The following CCDC83 variants were observed in gnomAD, a reference collection of about 807,000 sequenced individuals.
CCDC83 encodes coiled-coil domain-containing protein 83.
Under a neutral mutation model 50.1 loss-of-function variants are expected in CCDC83, and 54 were observed. The observed-to-expected ratio is 1.08, with a 90% CI of 0.87 to 1.35. The LOEUF (loss-of-function observed/expected upper bound fraction) is 1.35, where lower values mean the gene tolerates loss of function less well. Ranked by LOEUF, CCDC83 falls within the 40% of genes most tolerant of loss-of-function variation. The pLI is 0.00. For synonymous variants in CCDC83, 161 were observed against 153.3 expected (o/e 1.05, Z -0.37); for missense variants, 518 against 473.9 (o/e 1.09, Z -0.86).
Position 85,913,449 on chromosome 11 carries a change from G to A in CCDC83, c.795-1970G>A, listed in dbSNP as rs149880368. ...GAAAGATAACCTGAAGGATGTTCAGGAGATTTTACTGTACCCATTTCCAAG... is the reference window on the plus strand; with the variant it reads ...GAAAGATAACCTGAAGGATGTTCAGAAGATTTTACTGTACCCATTTCCAAG... On this transcript the variant is annotated intron_variant, in intron 8 of 10. Coordinates refer to ENST00000342404, the MANE Select transcript of CCDC83 (RefSeq NM_001286159.2). Among the ~76,000 whole-genome samples, 512 of 152,288 alleles carry A rather than the reference G, an allele frequency of 3.4e-3. 4 individuals are homozygous for A. The highest frequency in any genetic ancestry group is 0.012 in the African/African-American group (490 of 41,566).
intron 7 of CCDC83, among the ~76,000 whole-genome samples, chr11:85,899,541 G>T (rs2093391112): frequency 6.6e-6 from 1 of 152,080 alleles, no homozygotes; most frequent in Non-Finnish European, 1.5e-5. Context: ...TCACCCTCAG[G>T]CTTGGACTTT....
At chr11:85,888,590 T>C (rs746057617) in intron 5 of CCDC83, among the ~76,000 whole-genome samples, 11 of 152,216 alleles carry the variant, frequency 7.2e-5, no homozygotes, top group Admixed American at 1.3e-4. Context: ...TGTGGGTTTT[T>C]TAATGAAGAA....
At chr11:85,873,461 G>A (rs1235581765) in intron 3 of CCDC83, among the ~76,000 whole-genome samples, 166 bp downstream of exon 3, 1 of 152,140 alleles carries the variant, frequency 6.6e-6, no homozygotes, top group African/African-American at 2.4e-5. Flanking sequence ...TGAGGCAGAA[G>A]GATACTGCTG....
At chr11:85,893,324 T>G (rs757069602) in intron 5 of CCDC83, among the ~76,000 whole-genome samples, 2 of 152,220 alleles carry the variant, frequency 1.3e-5, no homozygotes, top group Non-Finnish European at 1.5e-5. Flanking sequence ...GTACAAAGTA[T>G]AGACGAGGGC....
chr11:85,856,931 T>A (rs573644081), intron 1 of CCDC83, among the ~76,000 whole-genome samples: 5 of 152,302 alleles, frequency 3.3e-5, no homozygotes, highest in Admixed American at 1.3e-4. Flanking sequence ...CCATTTCTAA[T>A]TAAGTTAAAC....
At chr11:85,858,000 G>C (rs569891867) in intron 1 of CCDC83, among the ~76,000 whole-genome samples, 5 of 152,230 alleles carry the variant, frequency 3.3e-5, no homozygotes, top group Non-Finnish European at 7.3e-5. Context: ...CATGGAGATT[G>C]ATGTCAAGTG....
intron 2 of CCDC83, among the ~76,000 whole-genome samples, chr11:85,865,662 C>A (rs1045471606): frequency 6.6e-6 from 1 of 151,958 alleles, no homozygotes; most frequent in African/African-American, 2.4e-5. Flanking sequence ...CCAAAGCAGG[C>A]GGATCACCTG....
chr11:85,898,850 A>G, intron 6 of CCDC83, 97 bp from the exon 7 acceptor site: 1 of 855,860 alleles, frequency 1.2e-6, no homozygotes, highest in Non-Finnish European at 1.9e-6. Flanking sequence ...TGCAGACACA[A>G]TCTAAAATGA....
chr11:85,874,267 G>A (rs2093256723), intron 3 of CCDC83, among the ~76,000 whole-genome samples: 1 of 152,176 alleles, frequency 6.6e-6, no homozygotes, highest in Non-Finnish European at 1.5e-5. Flanking sequence ...GCTCAGTTTG[G>A]CCTGGTGCCT....
At chr11:85,900,659 G>C (rs1241001727) in intron 7 of CCDC83, among the ~76,000 whole-genome samples, 1 of 152,194 alleles carries the variant, frequency 6.6e-6, no homozygotes, top group Non-Finnish European at 1.5e-5. Flanking sequence ...CAACAGAAGA[G>C]AAAGGCCAAG....
intron 2 of CCDC83, among the ~76,000 whole-genome samples, chr11:85,865,919 G>C (rs1373083656): frequency 1.3e-5 from 2 of 149,778 alleles, no homozygotes; most frequent in Admixed American, 1.3e-4. Flanking sequence ...AAAAAAGAGA[G>C]AATGGAAGAG....
chr11:85,868,452 A>C (rs1191472365), intron 2 of CCDC83, among the ~76,000 whole-genome samples: 2 of 152,050 alleles, frequency 1.3e-5, no homozygotes, highest in Non-Finnish European at 2.9e-5. Flanking sequence ...TCGGCTCACT[A>C]CAACCCCCGC....
At chr11:85,862,325 C>T (rs548846339) in intron 1 of CCDC83, among the ~76,000 whole-genome samples, 7 of 152,240 alleles carry the variant, frequency 4.6e-5, no homozygotes, top group South Asian at 2.1e-4. Context: ...CCTTACATCA[C>T]GGTGTATGTT....
At position 85,895,288 on chromosome 11, in the gene CCDC83, T is replaced by TTTAA; in HGVS notation, c.512-5_512-4insTTAA. 5 of 555,904 alleles carry TTTAA rather than the reference T, an allele frequency of 9.0e-6. No individual in the cohort carries two copies. Among genetic ancestry groups the TTTAA allele is most frequent in the Non-Finnish European group, 2.6e-6 (1 of 378,360 alleles). 34.4% of individuals were successfully genotyped at this position (555,904 alleles called of 1,614,324 possible). A position where few individuals can be genotyped will look rare whatever the true frequency, so the allele number is the denominator to read the frequency against. On this transcript the variant is annotated splice_region_variant and splice_polypyrimidine_tract_variant and intron_variant, in intron 5 of 10. Coordinates refer to ENST00000342404, the MANE Select transcript of CCDC83 (RefSeq NM_001286159.2). Reference sequence around the variant, plus strand: ...TCTTTTTTTTTTTTTTTTTTTTTTTTAAAGAACACTATAAAATCACTCTGG... The same window carrying TTTAA: ...TCTTTTTTTTTTTTTTTTTTTTTTTTTTAAAAAGAACACTATAAAATCACTCTGG...
At position 85,917,255 on chromosome 11, in the gene CCDC83, A is replaced by AAAGG. The variant is rs756931895; in HGVS notation, c.1080+1041_1080+1044dup. ...GAAAAGAAAGAAAGAGGGAAGGAGG[A>AAAGG]AAGGAAGGAAGGAAGGAAGGAAAGA... On this transcript the variant is annotated intron_variant, in intron 10 of 10. Transcript: ENST00000342404. Among the ~76,000 whole-genome samples the AAAGG allele has an allele frequency of 4.6e-3, 636 of 137,474 alleles. 6 individuals are homozygous for AAAGG. The highest frequency in any genetic ancestry group is 0.016 in the African/African-American group (597 of 37,722). 90.2% of individuals were successfully genotyped at this position (137,474 alleles called of 152,430 possible).
In CCDC83 at chr11:85,917,213, A is replaced by AGAAAGAAAGAGAAAGAAAGAAAGAAG. The variant is rs1554986942; in HGVS notation, c.1080+990_1080+991insGAAAGAAAGAAAGAAGGAAAGAAAGA. On this transcript the variant is annotated intron_variant, in intron 10 of 10. Transcript: ENST00000342404. ...GAAAGAGAAAGAAAGAAAGAAGGAA[A>AGAAAGAAAGAGAAAGAAAGAAAGAAG]GAAAGAAAGAAAGAAAGAAAAGAAA... 1.3e-3 allele frequency among the ~76,000 whole-genome samples: 147 copies of AGAAAGAAAGAGAAAGAAAGAAAGAAG among 114,860 alleles called. 4 individuals are homozygous for AGAAAGAAAGAGAAAGAAAGAAAGAAG. The highest frequency in any genetic ancestry group is 1.9e-3 in the Non-Finnish European group (101 of 53,868). The allele number at this position is 114,860 out of a possible 152,430, so 75.4% of individuals were successfully genotyped here.
chr11:85,912,857 G>A (rs113701691), intron 8 of CCDC83: 1 of 713,358 alleles, frequency 1.4e-6, no homozygotes. Flanking sequence ...GTCTCTACCT[G>A]GATCAACTCA....
intron 8 of CCDC83, among the ~76,000 whole-genome samples, chr11:85,912,944 C>G (rs1356485600): frequency 6.6e-6 from 1 of 152,106 alleles, no homozygotes; most frequent in Non-Finnish European, 1.5e-5. Flanking sequence ...TTTCATTGGC[C>G]AAAGGGGACT....
At position 85,912,686 on chromosome 11, in the gene CCDC83, C is replaced by T. The variant is rs772182257; in HGVS notation, c.794+1284C>T. ...ACATTCCTGTCCCACCTCTAATCCT[C>T]GTCATCTGCTGCTGCTGCCTTTGGA... On this transcript the variant is annotated intron_variant, in intron 8 of 10. Coordinates refer to ENST00000342404, the MANE Select transcript of CCDC83 (RefSeq NM_001286159.2). 20 of 1,612,478 alleles carry T rather than the reference C, an allele frequency of 1.2e-5. 1 individual carries two copies. Among genetic ancestry groups the T allele is most frequent in the African/African-American group, 1.2e-4 (9 of 74,880 alleles).
Sources: allele counts gnomAD v4.1 joint callset (sites outside exome capture counted in the v4.1 genomes callset), GRCh38; gene constraint gnomAD v4.1.1; transcripts MANE v1.5; gene names NCBI Gene and HGNC (gene_info 2026-07-23, HGNC 2026-07-21).